The following TENM1 variants were observed in gnomAD, a reference collection of about 807,000 sequenced individuals.
The protein encoded by TENM1 is teneurin-1.
TENM1 carries 35 observed loss-of-function variants against 174.8 expected under a neutral mutation model. The observed-to-expected ratio is 0.20, with a 90% CI of 0.15 to 0.27. The LOEUF (loss-of-function observed/expected upper bound fraction) is 0.27. Among genes scored for constraint, TENM1 ranks in the 10% least tolerant of loss-of-function variants. TENM1 has a pLI of 1.00. For missense variants in TENM1, 1,633 were observed against 2,130.1 expected, an observed-to-expected ratio of 0.77 and a Z score of 4.59; for synonymous variants, 781 against 798.7, an observed-to-expected ratio of 0.98 and a Z score of 0.37.
At chrX:124,745,436 A>G (rs1292179971) in intron 3 of TENM1, among the ~76,000 whole-genome samples, 1 of 111,759 alleles carries the variant, frequency 8.9e-6, no homozygotes, top group East Asian at 2.8e-4. Context: ...ATATAGGATC[A>G]AAACATGCCA....
the TENM1 span, among the ~76,000 whole-genome samples, chrX:125,089,449 A>G: frequency 8.9e-6 from 1 of 112,106 alleles, no homozygotes; most frequent in Non-Finnish European, 1.9e-5. Context: ...AGAAGATATC[A>G]TCCCCTAAGG....
In TENM1 at chrX:124,690,278, T is replaced by C. The variant is rs144001461; in HGVS notation, c.1015+14735A>G. Among the ~76,000 whole-genome samples, 599 of 110,839 alleles carry C rather than the reference T, an allele frequency of 5.4e-3. 6 individuals are homozygous for C. The highest frequency in any genetic ancestry group is 0.019 in the African/African-American group (565 of 30,476). On this transcript the variant is annotated intron_variant, in intron 5 of 31. Coordinates refer to ENST00000422452, the Ensembl canonical transcript of TENM1. Reference sequence around the variant, plus strand: ...TAGCACAAGATATCCCAGGCTTACCTTATACTTACTTTCCCTGCCACAGAC... The same window carrying C: ...TAGCACAAGATATCCCAGGCTTACCCTATACTTACTTTCCCTGCCACAGAC...
chrX:124,457,294 G>A (rs758512171), intron 22 of TENM1, among the ~76,000 whole-genome samples: 3 of 111,990 alleles, frequency 2.7e-5, no homozygotes, highest in Non-Finnish European at 5.6e-5. Flanking sequence ...CCATAACCTG[G>A]AAGTGTGAAT....
intron 15 of TENM1, among the ~76,000 whole-genome samples, chrX:124,530,805 G>T (rs1200487905): frequency 8.9e-6 from 1 of 112,032 alleles, no homozygotes; most frequent in East Asian, 2.8e-4. Context: ...CTAAAAAATG[G>T]AATTCCATTA....
intron 1 of TENM1, among the ~76,000 whole-genome samples, chrX:124,913,333 T>C (rs2057867382): frequency 9.0e-6 from 1 of 111,439 alleles, no homozygotes; most frequent in African/African-American, 3.3e-5. Context: ...AGACATGCAT[T>C]AGTGTGTGGA....
At chrX:124,609,965 G>A (rs1400598471) in intron 11 of TENM1, among the ~76,000 whole-genome samples, 1 of 111,776 alleles carries the variant, frequency 8.9e-6, no homozygotes, top group Non-Finnish European at 1.9e-5. Flanking sequence ...GATAATGCCT[G>A]TGAGTACCAT....
chrX:124,928,998 C>T (rs2058131027), intron 1 of TENM1, among the ~76,000 whole-genome samples: 1 of 112,122 alleles, frequency 8.9e-6, no homozygotes, highest in African/African-American at 3.2e-5. Flanking sequence ...TCAAGCTGGT[C>T]TCCTGTTGTA....
At chrX:124,985,256 C>CTA in the TENM1 span, among the ~76,000 whole-genome samples, 1 of 112,278 alleles carries the variant, frequency 8.9e-6, no homozygotes, top group Non-Finnish European at 1.9e-5. Context: ...TTACATTTAA[C>CTA]TATAGTTCAC....
At chrX:124,871,681 A>C (rs755758438) in intron 3 of TENM1, among the ~76,000 whole-genome samples, 2 of 112,016 alleles carry the variant, frequency 1.8e-5, no homozygotes, top group South Asian at 7.4e-4. Flanking sequence ...CCTCAGGACT[A>C]TAAGAGGTCA....
At chrX:124,753,332 T>G (rs1160653419) in intron 3 of TENM1, among the ~76,000 whole-genome samples, 5 of 107,898 alleles carry the variant, frequency 4.6e-5, no homozygotes, top group South Asian at 4.2e-4. Flanking sequence ...TTTTGTACAT[T>G]GATTTTGTAT....
intron 1 of TENM1, among the ~76,000 whole-genome samples, chrX:124,925,398 C>A (rs1187605672): frequency 1.8e-5 from 2 of 111,154 alleles, no homozygotes; most frequent in Non-Finnish European, 3.8e-5. Flanking sequence ...TCCACATTGG[C>A]AGAATTTAAC....
chrX:124,702,292 A>T (rs1249158884), intron 5 of TENM1, among the ~76,000 whole-genome samples: 2 of 112,016 alleles, frequency 1.8e-5, no homozygotes, highest in Non-Finnish European at 3.8e-5. Context: ...GTGGTCACCA[A>T]TATGGCACAG....
chrX:124,565,849 C>T (rs1013154533), intron 11 of TENM1, among the ~76,000 whole-genome samples: 2 of 111,139 alleles, frequency 1.8e-5, no homozygotes, highest in African/African-American at 6.5e-5. Flanking sequence ...TTTATATAAA[C>T]AAGATGTCAC....
intron 1 of TENM1, among the ~76,000 whole-genome samples, chrX:124,943,685 C>G (rs1265745295): frequency 8.9e-6 from 1 of 111,982 alleles, no homozygotes; most frequent in Non-Finnish European, 1.9e-5. Context: ...CATTGATTAG[C>G]TAACAAGTAC....
chrX:125,028,210 C>T, the TENM1 span, among the ~76,000 whole-genome samples: 15 of 111,602 alleles, frequency 1.3e-4, no homozygotes, highest in Admixed American at 5.7e-4. Flanking sequence ...TAAATATCCA[C>T]CAATAATGGA....
At chrX:125,194,695 G>A in the TENM1 span, among the ~76,000 whole-genome samples, 1 of 111,586 alleles carries the variant, frequency 9.0e-6, no homozygotes, top group African/African-American at 3.3e-5. Flanking sequence ...CACATAAATG[G>A]AAATAAGACG....
intron 3 of TENM1, among the ~76,000 whole-genome samples, chrX:124,770,298 T>G (rs2148620703): frequency 8.9e-6 from 1 of 111,968 alleles, no homozygotes; most frequent in South Asian, 3.7e-4. Flanking sequence ...TTTTACTAGC[T>G]TCTTATTCAT....
the TENM1 span, among the ~76,000 whole-genome samples, chrX:125,172,925 T>A: frequency 2.7e-5 from 3 of 111,753 alleles, no homozygotes; most frequent in African/African-American, 9.7e-5. Flanking sequence ...CCAATTTTAA[T>A]TTATATTCTG....
chrX:124,794,435 T>A (rs2055255580), intron 3 of TENM1, among the ~76,000 whole-genome samples: 1 of 111,910 alleles, frequency 8.9e-6, no homozygotes, highest in Non-Finnish European at 1.9e-5. Context: ...AACAAGATAA[T>A]AGAATCATAC....
Sources: gnomAD v4.1 joint callset for allele counts (sites outside exome capture counted in the v4.1 genomes callset) on GRCh38, gnomAD v4.1.1 for gene constraint, MANE v1.5 for transcripts, NCBI Gene and HGNC (gene_info 2026-07-23, HGNC 2026-07-21) for gene names.